Variants in ASTN2 observed in about 807,000 individuals in gnomAD.
ASTN2 encodes astrotactin 2, also known as astrotactin-2.
Under a neutral mutation model 139.8 loss-of-function variants are expected in ASTN2, and 54 were observed. The ratio of observed to expected loss-of-function variants is 0.39; its 90% CI spans 0.31 to 0.48. ASTN2 has a LOEUF of 0.48. Among genes scored for constraint, ASTN2 ranks in the 20% least tolerant of loss-of-function variants. The pLI, the probability that ASTN2 is intolerant of heterozygous loss-of-function variation, is 0.95. For missense variants in ASTN2, 1,565 were observed against 1,725.1 expected, an observed-to-expected ratio of 0.91 and a Z score of 1.64; for synonymous variants, 756 against 719.5, an observed-to-expected ratio of 1.05 and a Z score of -0.81.
At chr9:116,711,741 C>T (rs1397965043) in intron 16 of ASTN2, among the ~76,000 whole-genome samples, 2 of 152,192 alleles carry the variant, frequency 1.3e-5, no homozygotes, top group Non-Finnish European at 2.9e-5. Context: ...CTTTCACCTT[C>T]TACTGTCCCA....
rs574587884 is a variant in ASTN2, at chr9:116,765,688, G to A, written c.2397-32165C>T. Among the ~76,000 whole-genome samples the A allele has an allele frequency of 1.2e-3, 179 of 151,926 alleles. 3 individuals are homozygous for A. The highest frequency in any genetic ancestry group is 3.7e-3 in the South Asian group (18 of 4,810). ...ATACTGTACAGGCATTAAAAAATAC[G>A]GCTGATCTTTAAAAAATAGAAGGGA... On this transcript the variant is annotated intron_variant, in intron 13 of 22. Transcript: ENST00000313400.
intron 3 of ASTN2, among the ~76,000 whole-genome samples, chr9:117,184,469 C>T (rs775825859): frequency 3.2e-4 from 48 of 152,116 alleles, no homozygotes; most frequent in Admixed American, 2.6e-4. Flanking sequence ...CTCTGTCTGC[C>T]GACCTCCTTG....
At chr9:116,771,205 C>G (rs895076270) in intron 13 of ASTN2, among the ~76,000 whole-genome samples, 3 of 152,156 alleles carry the variant, frequency 2.0e-5, no homozygotes, top group Non-Finnish European at 4.4e-5. Flanking sequence ...TATCATCACA[C>G]AGGACTTGTA....
chr9:116,841,293 G>C (rs1281868465), intron 11 of ASTN2, among the ~76,000 whole-genome samples: 4 of 152,214 alleles, frequency 2.6e-5, no homozygotes, highest in Non-Finnish European at 4.4e-5. Flanking sequence ...AGGAGAATCA[G>C]GCAGGGAGGT....
rs1206247561 is a variant in ASTN2, at chr9:116,698,363, A to G, written c.2806+27408T>C. ...TGGCTCGCTCTCGGAAGTTCTTCAC[A>G]GGCTCTTTGGCTGAAGTTGAGAAGT... On this transcript the variant is annotated intron_variant, in intron 16 of 22. Coordinates refer to ENST00000313400, the MANE Select transcript of ASTN2 (RefSeq NM_001365068.1). The surrounding 1 kb of genome is among the most constrained non-coding windows in gnomAD (Gnocchi z 4.4). The G allele has an allele frequency of 1.2e-6, 2 of 1,614,146 alleles. No homozygotes were observed. Among genetic ancestry groups the G allele is most frequent in the East Asian group, 2.2e-5 (1 of 44,876 alleles).
At chr9:117,208,529 TA>T (rs1222871811) in intron 3 of ASTN2, among the ~76,000 whole-genome samples, 1 of 151,918 alleles carries the variant, frequency 6.6e-6, no homozygotes, top group Non-Finnish European at 1.5e-5. Context: ...ATATTCATAT[TA>T]GGGGTGTTTC....
intron 15 of ASTN2, among the ~76,000 whole-genome samples, chr9:116,726,474 G>T (rs146362496): frequency 6.6e-6 from 1 of 152,292 alleles, no homozygotes; most frequent in East Asian, 1.9e-4. Flanking sequence ...ACTGCACACT[G>T]CATGCATTTT....
rs73655488 is a variant in ASTN2, at chr9:116,785,745, A to C, written c.2396+19887T>G. Among the ~76,000 whole-genome samples, 380 of 151,546 alleles carry C rather than the reference A, an allele frequency of 2.5e-3. 1 individual carries two copies. Among genetic ancestry groups the C allele is most frequent in the African/African-American group, 8.6e-3 (356 of 41,280 alleles). On this transcript the variant is annotated intron_variant, in intron 13 of 22. Coordinates refer to ENST00000313400, the MANE Select transcript of ASTN2 (RefSeq NM_001365068.1). Reference sequence around the variant, plus strand: ...TTCAGAATACATACAGAATCTGCCCACCTCTCTCCATGCTGACTTGTCTGA... The same window carrying C: ...TTCAGAATACATACAGAATCTGCCCCCCTCTCTCCATGCTGACTTGTCTGA...
At chr9:116,831,711 C>G (rs191357022) in intron 11 of ASTN2, among the ~76,000 whole-genome samples, 1 of 152,166 alleles carries the variant, frequency 6.6e-6, no homozygotes, top group Non-Finnish European at 1.5e-5. Context: ...ACTTCTTCCA[C>G]TTTAGCCTTC....
At chr9:116,620,176 G>A (rs1856062362) in intron 18 of ASTN2, 134 bp downstream of exon 18, 1 of 1,250,426 alleles carries the variant, frequency 8.0e-7, no homozygotes, top group Non-Finnish European at 1.1e-6. Flanking sequence ...TAAAAAAGGA[G>A]GTAGATTCCA....
intron 3 of ASTN2, among the ~76,000 whole-genome samples, chr9:117,177,555 T>C (rs1343437629): frequency 6.6e-6 from 1 of 152,164 alleles, no homozygotes; most frequent in Non-Finnish European, 1.5e-5. Flanking sequence ...ACCCAATGTT[T>C]TGCAAATATT....
At chr9:116,665,854 C>T (rs1357852284) in intron 16 of ASTN2, among the ~76,000 whole-genome samples, 1 of 152,072 alleles carries the variant, frequency 6.6e-6, no homozygotes, top group Non-Finnish European at 1.5e-5. Flanking sequence ...AAAGCCAAAC[C>T]AAAACCAAGA....
At chr9:116,734,470 C>T (rs566914688) in intron 13 of ASTN2, among the ~76,000 whole-genome samples, 14 of 152,186 alleles carry the variant, frequency 9.2e-5, no homozygotes, top group African/African-American at 2.4e-4. Context: ...CCAGTTGGCA[C>T]GGATGGTATC....
chr9:116,425,329 C>A lies in ASTN2; in HGVS notation c.*522G>T. 2 of 526,014 alleles carry A rather than the reference C, an allele frequency of 3.8e-6. No homozygotes were observed. Among genetic ancestry groups the A allele is most frequent in the East Asian group, 3.4e-5 (1 of 29,406 alleles). 32.6% of individuals were successfully genotyped at this position (526,014 alleles called of 1,614,324 possible). On this transcript the variant is annotated 3_prime_UTR_variant, in exon 23 of 23. Coordinates refer to ENST00000313400, the MANE Select transcript of ASTN2 (RefSeq NM_001365068.1). ...CAGGGTCCCACAAACTCAATAATGT[C>A]CAGCAAAAAAGAGAGAGAAGTCCTT...
intron 2 of ASTN2, among the ~76,000 whole-genome samples, chr9:117,291,014 G>C (rs1054882015): frequency 6.6e-6 from 1 of 152,202 alleles, no homozygotes; most frequent in East Asian, 1.9e-4. Context: ...TCAGCCCTCA[G>C]CAAAGCAGGC....
chr9:116,647,602 T>C (rs1002970668), intron 17 of ASTN2, among the ~76,000 whole-genome samples: 4 of 152,204 alleles, frequency 2.6e-5, no homozygotes, highest in African/African-American at 9.6e-5. Flanking sequence ...GCTATGCATG[T>C]GCCAAGAACA....
At chr9:116,653,890 T>G (rs1858061513) in intron 16 of ASTN2, among the ~76,000 whole-genome samples, 1 of 152,164 alleles carries the variant, frequency 6.6e-6, no homozygotes, top group African/African-American at 2.4e-5. Flanking sequence ...CAAGGAAAAT[T>G]CCAGTTAACC....
At chr9:116,529,443 C>A (rs1851229390) in intron 19 of ASTN2, among the ~76,000 whole-genome samples, 1 of 152,080 alleles carries the variant, frequency 6.6e-6, no homozygotes, top group South Asian at 2.1e-4. Context: ...AACTAACTTG[C>A]TTTTGATTTT....
At chr9:116,656,725 C>A (rs1041665420) in intron 16 of ASTN2, among the ~76,000 whole-genome samples, 16 of 148,384 alleles carry the variant, frequency 1.1e-4, no homozygotes, top group Non-Finnish European at 2.2e-4. Flanking sequence ...AGTGACAACT[C>A]CTTGTTGGGA....
Sources: gnomAD v4.1 joint callset for allele counts (sites outside exome capture counted in the v4.1 genomes callset) on GRCh38, gnomAD v4.1.1 for gene constraint, Gnocchi (gnomAD v3.1) non-coding constraint, MANE v1.5 for transcripts, NCBI Gene and HGNC (gene_info 2026-07-23, HGNC 2026-07-21) for gene names.